The following PTPRD variants were observed in gnomAD, a reference collection of about 807,000 sequenced individuals.
The protein encoded by PTPRD is protein tyrosine phosphatase receptor type D.
A neutral mutation model predicts 214.5 loss-of-function variants in PTPRD; 34 were observed. That is an observed-to-expected ratio of 0.16 (90% CI 0.12 to 0.21). The LOEUF is 0.21. PTPRD is among the 10% of genes least tolerant of loss of function. The probability of loss-of-function intolerance (pLI) is 1.00; values close to 1 mark genes in which losing one functional copy is unlikely to be tolerated. For synonymous variants in PTPRD, 1,128 were observed against 845.7 expected (o/e 1.33, Z -5.79); for missense variants, 2,545 against 2,398.7 (o/e 1.06, Z -1.27).
At chr9:8,732,793 A>G (rs982908362) in intron 12 of PTPRD, among the ~76,000 whole-genome samples, 1 of 152,216 alleles carries the variant, frequency 6.6e-6, no homozygotes, top group Non-Finnish European at 1.5e-5. Flanking sequence ...TCAAAATGCA[A>G]TTAATAGAAA....
At chr9:8,538,217 T>A (rs182443252) in intron 14 of PTPRD, among the ~76,000 whole-genome samples, 2 of 152,164 alleles carry the variant, frequency 1.3e-5, no homozygotes, top group African/African-American at 4.8e-5. Flanking sequence ...TCCAAATGTT[T>A]ACCTTACTTT....
intron 2 of PTPRD, among the ~76,000 whole-genome samples, chr9:10,391,726 G>C (rs2098070052): frequency 6.6e-6 from 1 of 151,694 alleles, no homozygotes; most frequent in Non-Finnish European, 1.5e-5. Flanking sequence ...AGCAAGAGTG[G>C]TCTCTTCCAA....
intron 4 of PTPRD, among the ~76,000 whole-genome samples, chr9:9,958,883 A>G (rs1353942078): frequency 1.3e-5 from 2 of 152,214 alleles, no homozygotes; most frequent in Admixed American, 6.5e-5. Context: ...AATGCTAGTG[A>G]GAATGTAGGG....
chr9:10,139,689 G>A (rs1196652029), intron 3 of PTPRD, among the ~76,000 whole-genome samples: 2 of 152,010 alleles, frequency 1.3e-5, no homozygotes, highest in African/African-American at 4.8e-5. Context: ...ACAAAAACCA[G>A]ACACACTGGC....
intron 2 of PTPRD, among the ~76,000 whole-genome samples, chr9:10,350,527 T>C (rs1014960869): frequency 7.9e-5 from 12 of 152,278 alleles, no homozygotes; most frequent in African/African-American, 2.6e-4. Context: ...ATATATTTTG[T>C]CATTTAATCC....
At chr9:8,521,033 C>T (rs1186003152) in intron 20 of PTPRD, among the ~76,000 whole-genome samples, 1 of 152,024 alleles carries the variant, frequency 6.6e-6, no homozygotes, top group Non-Finnish European at 1.5e-5. Flanking sequence ...GCCTGGGCCT[C>T]CATGGACTGT....
At chr9:10,370,071 C>T (rs2097581560) in intron 2 of PTPRD, among the ~76,000 whole-genome samples, 2 of 152,088 alleles carry the variant, frequency 1.3e-5, no homozygotes, top group South Asian at 4.2e-4. Context: ...AGATCCAGTA[C>T]ATTGAATGAG....
intron 8 of PTPRD, among the ~76,000 whole-genome samples, chr9:9,561,745 G>A (rs1305411892): frequency 7.2e-5 from 11 of 152,292 alleles, no homozygotes; most frequent in East Asian, 1.9e-4. Context: ...CAGAGGTGAT[G>A]AGATCTTTTC....
chr9:10,576,876 G>A (rs1336093336), intron 2 of PTPRD, among the ~76,000 whole-genome samples: 1 of 152,048 alleles, frequency 6.6e-6, no homozygotes, highest in Non-Finnish European at 1.5e-5. Context: ...CCACCAAATG[G>A]AAAATGTCTT....
intron 8 of PTPRD, among the ~76,000 whole-genome samples, chr9:9,403,365 A>G (rs1380677266): frequency 1.3e-5 from 2 of 150,454 alleles, no homozygotes; most frequent in Non-Finnish European, 3.0e-5. Context: ...GAATTGTGAT[A>G]TCACATGTAT....
At chr9:9,755,919 A>T (rs1333985908) in intron 6 of PTPRD, among the ~76,000 whole-genome samples, 3 of 151,910 alleles carry the variant, frequency 2.0e-5, no homozygotes, top group African/African-American at 7.2e-5. Context: ...TTGCTTTTCC[A>T]TGTCAATGAT....
intron 5 of PTPRD, among the ~76,000 whole-genome samples, chr9:9,892,660 G>A (rs138588907): frequency 2.6e-5 from 4 of 151,902 alleles, no homozygotes; most frequent in African/African-American, 7.3e-5. Flanking sequence ...CCTAAAATCT[G>A]CTGGTCAAAG....
chr9:10,291,851 G>C (rs1452680516), intron 3 of PTPRD, among the ~76,000 whole-genome samples: 1 of 152,038 alleles, frequency 6.6e-6, no homozygotes, highest in Non-Finnish European at 1.5e-5. Context: ...ATTTGAAAGA[G>C]CCACTGAATT....
intron 4 of PTPRD, among the ~76,000 whole-genome samples, chr9:10,026,893 GATATAAAATTGCAACACACC>G (rs1321670317): frequency 6.6e-6 from 1 of 151,538 alleles, no homozygotes; most frequent in Non-Finnish European, 1.5e-5. Flanking sequence ...ACGTGAGAAG[GATATAAAATTGCAACACACC>G]ACTAAACCTG....
chr9:10,293,689 T>C (rs932961350), intron 3 of PTPRD, among the ~76,000 whole-genome samples: 3 of 151,932 alleles, frequency 2.0e-5, no homozygotes, highest in Admixed American at 1.3e-4. Context: ...ACATCCATTT[T>C]CCAAAGTTTG....
chr9:10,501,017 T>C (rs934942830), intron 2 of PTPRD, among the ~76,000 whole-genome samples: 1 of 152,094 alleles, frequency 6.6e-6, no homozygotes, highest in Non-Finnish European at 1.5e-5. Context: ...CAGATGTCTT[T>C]ATCATATACT....
intron 2 of PTPRD, among the ~76,000 whole-genome samples, chr9:10,355,330 C>T (rs918865854): frequency 1.3e-5 from 2 of 152,062 alleles, no homozygotes; most frequent in African/African-American, 4.8e-5. Context: ...ACTCAAGGTA[C>T]TCAGACTTCC....
At chr9:8,984,797 G>T (rs1259081672) in intron 11 of PTPRD, among the ~76,000 whole-genome samples, 2 of 152,080 alleles carry the variant, frequency 1.3e-5, no homozygotes. Context: ...ATGTACCTCT[G>T]AAAAGCATTT....
intron 27 of PTPRD, among the ~76,000 whole-genome samples, chr9:8,491,480 A>G (rs1433320919): frequency 6.6e-6 from 1 of 152,128 alleles, no homozygotes; most frequent in Non-Finnish European, 1.5e-5. Flanking sequence ...AGTTATTATG[A>G]CATATTTATA....
Sources: gnomAD v4.1 joint callset for allele counts (sites outside exome capture counted in the v4.1 genomes callset) on GRCh38, gnomAD v4.1.1 for gene constraint, MANE v1.5 for transcripts, NCBI Gene and HGNC (gene_info 2026-07-23, HGNC 2026-07-21) for gene names.